The following FABP12 variants were observed in gnomAD, a reference collection of about 807,000 sequenced individuals.
FABP12 encodes the protein fatty acid-binding protein 12.
In FABP12, 19 loss-of-function variants were observed where a neutral mutation model predicts 13.7. That is an observed-to-expected ratio of 1.39 (90% CI 0.97 to 2.04). The LOEUF (loss-of-function observed/expected upper bound fraction) is 2.04, where lower values mean the gene tolerates loss of function less well. Among genes scored for constraint, FABP12 ranks in the 30% most tolerant of loss-of-function variants. FABP12 has a pLI of 0.00. For missense variants in FABP12, 182 were observed against 164.2 expected (o/e 1.11, Z -0.59); for synonymous variants, 61 against 57.0 (o/e 1.07, Z -0.32).
chr8:81,568,270 A>T (rs1809864885), intron 1 of FABP12, among the ~76,000 whole-genome samples: 1 of 152,230 alleles, frequency 6.6e-6, no homozygotes, highest in Non-Finnish European at 1.5e-5. Context: ...AGCTCAAACA[A>T]CTCAATAGGA....
intron 1 of FABP12, among the ~76,000 whole-genome samples, chr8:81,572,422 G>C (rs1172645648): frequency 6.6e-6 from 1 of 152,198 alleles, no homozygotes; most frequent in Non-Finnish European, 1.5e-5. Context: ...ACATGTATGT[G>C]CAAGAATCTT....
upstream of FABP12, among the ~76,000 whole-genome samples, chr8:81,537,940 C>T (rs1442135199): frequency 1.3e-5 from 2 of 152,126 alleles, no homozygotes; most frequent in Admixed American, 6.5e-5. Flanking sequence ...ATACCTGAGA[C>T]TGGTAACTTA....
chr8:81,568,253 TAGA>T (rs1809864504), intron 1 of FABP12, among the ~76,000 whole-genome samples: 1 of 151,354 alleles, frequency 6.6e-6, no homozygotes, highest in Admixed American at 6.6e-5. Flanking sequence ...AACCAGAATA[TAGA>T]AGAAGCTCAA....
At chr8:81,565,757 T>G (rs550066581) in intron 1 of FABP12, among the ~76,000 whole-genome samples, 2 of 152,028 alleles carry the variant, frequency 1.3e-5, no homozygotes, top group East Asian at 3.9e-4. Context: ...TAATGTTGCA[T>G]CTTAAATAAC....
At chr8:81,583,894 A>G (rs1172950299) in intron 1 of FABP12, among the ~76,000 whole-genome samples, 1 of 152,172 alleles carries the variant, frequency 6.6e-6, no homozygotes, top group East Asian at 1.9e-4. Context: ...CAAAAATAAA[A>G]AACCTACAGG....
intron 1 of FABP12, among the ~76,000 whole-genome samples, chr8:81,543,270 A>G (rs1329278734): frequency 6.6e-6 from 1 of 152,220 alleles, no homozygotes; most frequent in Admixed American, 6.5e-5. Context: ...CAACTGTGAA[A>G]TCTAAACTGA....
chr8:81,550,369 G>T (rs1809505449), intron 1 of FABP12, among the ~76,000 whole-genome samples: 1 of 152,186 alleles, frequency 6.6e-6, no homozygotes, highest in African/African-American at 2.4e-5. Context: ...TTGCAAACAT[G>T]TTGAGGTTTT....
At chr8:81,562,731 T>A (rs2130049536) in intron 1 of FABP12, among the ~76,000 whole-genome samples, 1 of 152,044 alleles carries the variant, frequency 6.6e-6, no homozygotes, top group South Asian at 2.1e-4. Flanking sequence ...ATCTTGTGGC[T>A]TGGGTGCCAG....
intron 1 of FABP12, among the ~76,000 whole-genome samples, chr8:81,573,031 T>C (rs1313112279): frequency 6.6e-6 from 1 of 152,224 alleles, no homozygotes; most frequent in Non-Finnish European, 1.5e-5. Flanking sequence ...CCTAAGCTAA[T>C]GTCTAGAGGG....
At chr8:81,571,236 C>G in intron 1 of FABP12, among the ~76,000 whole-genome samples, 1 of 152,224 alleles carries the variant, frequency 6.6e-6, no homozygotes, top group East Asian at 1.9e-4. Context: ...CCAGAGCAGG[C>G]ACCTCCGAGC....
At chr8:81,569,121 AAC>A (rs1168082940) in intron 1 of FABP12, among the ~76,000 whole-genome samples, 1 of 152,208 alleles carries the variant, frequency 6.6e-6, no homozygotes, top group South Asian at 2.1e-4. Context: ...GATTGTTTGT[AAC>A]ACACACAAAA....
chr8:81,588,189 C>T (rs995726766), intron 1 of FABP12, among the ~76,000 whole-genome samples: 3 of 152,194 alleles, frequency 2.0e-5, no homozygotes, highest in Non-Finnish European at 4.4e-5. Flanking sequence ...CACCCAGGAA[C>T]AATACTTTGC....
At chr8:81,539,516 T>A (rs564556059) in intron 2 of FABP12, among the ~76,000 whole-genome samples, 1 of 145,132 alleles carries the variant, frequency 6.9e-6, no homozygotes, top group South Asian at 2.4e-4. Flanking sequence ...GGAATCTTTG[T>A]AATCATACAA....
In FABP12 at chr8:81,529,446, T is replaced by G. The variant is rs775910365; in HGVS notation, c.238A>C (p.Lys80Gln). The G allele has an allele frequency of 2.6e-5, 42 of 1,613,846 alleles. No homozygotes were observed. Among genetic ancestry groups the G allele is most frequent in the Non-Finnish European group, 3.6e-5 (42 of 1,179,824 alleles). ...ACTGTCGTAGGCCTCACCTTTGTTT[T>G]GTGGCCACCTGGCGTGATTTCCTCA... Residue 80 changes from lysine to glutamine, a missense_variant, in exon 3 of 5, where the codon AAA becomes CAA. Coordinates refer to ENST00000360464, the Ensembl canonical transcript of FABP12.
chr8:81,543,250 A>G (rs1315107588), intron 1 of FABP12, among the ~76,000 whole-genome samples: 1 of 152,224 alleles, frequency 6.6e-6, no homozygotes, highest in Non-Finnish European at 1.5e-5. Context: ...TATCCCTCCC[A>G]TATTAACATC....
intron 1 of FABP12, among the ~76,000 whole-genome samples, chr8:81,557,446 A>C (rs564108524): frequency 1.3e-5 from 2 of 152,240 alleles, no homozygotes; most frequent in African/African-American, 4.8e-5. Context: ...CTATCCCTTC[A>C]TCATTCTTAT....
chr8:81,531,383 T>A (rs1486590112), exon 2 of FABP12: 17 of 1,058,116 alleles, frequency 1.6e-5, no homozygotes, highest in Non-Finnish European at 2.2e-5. Context: ...CCTGAAGTAG[T>A]ATGGGAACTT....
chr8:81,557,671 T>C (rs1020932421), intron 1 of FABP12, among the ~76,000 whole-genome samples: 1 of 152,240 alleles, frequency 6.6e-6, no homozygotes. Context: ...TACAGGGAAC[T>C]CCTAGCTGAC....
At position 81,529,517 on chromosome 8, in the gene FABP12, C is replaced by T. The variant is rs553068117; in HGVS notation, c.167G>A (p.Ser56Asn). 53 of 1,613,778 alleles carry T rather than the reference C, an allele frequency of 3.3e-5. No individual in the cohort carries two copies. The highest frequency in any genetic ancestry group is 1.2e-4 in the Admixed American group (7 of 59,986). The change falls in exon 3 of 5, where the codon AGC becomes AAC. Residue 56 changes from serine (S) to asparagine (N), a missense_variant. Physicochemically the swap from Ser to Asn is conservative, Grantham distance 46. Coordinates refer to ENST00000360464, the Ensembl canonical transcript of FABP12. ...GGAGATCTCATTATTTTTAAAGATG[C>T]TTTTGGTTTTTATTGTGATGACATC... is the stretch of plus-strand genomic sequence containing the variant.
Sources: gnomAD v4.1 joint callset for allele counts (sites outside exome capture counted in the v4.1 genomes callset) on GRCh38, gnomAD v4.1.1 for gene constraint, MANE v1.5 for transcripts, NCBI Gene and HGNC (gene_info 2026-07-23, HGNC 2026-07-21) for gene names.